The following DNAJC17 variants were observed in gnomAD, a reference collection of about 807,000 sequenced individuals.
The protein encoded by DNAJC17 is DnaJ heat shock protein family (Hsp40) member C17, also known as dnaJ homolog subfamily C member 17.
DNAJC17 carries 35 observed loss-of-function variants against 48.1 expected under a neutral mutation model. The observed-to-expected ratio is 0.73, with a 90% confidence interval of 0.56 to 0.96. The LOEUF (loss-of-function observed/expected upper bound fraction) is 0.96, where lower values mean the gene tolerates loss of function less well. Ranked by LOEUF, DNAJC17 falls within the 50% of genes least tolerant of loss-of-function variation. The pLI is 0.00. For synonymous variants in DNAJC17, 117 were observed against 142.7 expected (o/e 0.82, Z 1.28); for missense variants, 355 against 377.1 (o/e 0.94, Z 0.48).
intron 8 of DNAJC17, among the ~76,000 whole-genome samples, chr15:40,774,759 CA>C (rs1343933058): frequency 2.6e-5 from 4 of 152,236 alleles, no homozygotes; most frequent in African/African-American, 9.6e-5. Flanking sequence ...TCGTCCCTCC[CA>C]ACCCACTCAA....
At chr15:40,779,861 T>C in intron 2 of DNAJC17, 67 bp downstream of exon 2, 1 of 1,539,846 alleles carries the variant, frequency 6.5e-7, no homozygotes, top group Non-Finnish European at 8.9e-7. Flanking sequence ...ATGCAGAGCT[T>C]ACATCGGGAA....
intron 10 of DNAJC17, 41 bp downstream of exon 10, chr15:40,773,686 C>A: frequency 6.5e-7 from 1 of 1,538,294 alleles, no homozygotes; most frequent in South Asian, 1.2e-5. Context: ...GGAAGAGCTC[C>A]GAGACCTGAG....
At chr15:40,781,123 C>A (rs1295674577) in intron 1 of DNAJC17, among the ~76,000 whole-genome samples, 1 of 145,814 alleles carries the variant, frequency 6.9e-6, no homozygotes, top group Non-Finnish European at 1.5e-5. Context: ...TACACTCCAG[C>A]CTGTGGGACA....
intron 1 of DNAJC17, among the ~76,000 whole-genome samples, chr15:40,792,895 C>CT (rs563611021): frequency 0.038 from 4,791 of 126,242 alleles, 148 homozygotes; most frequent in South Asian, 0.085. Flanking sequence ...AAGATCCCTT[C>CT]TTTTTTTTTT....
chr15:40,784,499 G>A (rs1889590689), intron 1 of DNAJC17, among the ~76,000 whole-genome samples: 1 of 152,076 alleles, frequency 6.6e-6, no homozygotes, highest in Non-Finnish European at 1.5e-5. Flanking sequence ...AAGCCCCTAT[G>A]AGGTAGAAAT....
chr15:40,773,907 C>CA, intron 9 of DNAJC17, 70 bp from the exon 10 acceptor site: 1 of 1,356,998 alleles, frequency 7.4e-7, no homozygotes, highest in Non-Finnish European at 1.0e-6. Context: ...TCTACCCCCA[C>CA]AGAGAGAACG....
chr15:40,780,531 T>C, intron 1 of DNAJC17: 1 of 364,508 alleles, frequency 2.7e-6, no homozygotes, highest in Non-Finnish European at 5.4e-6. Context: ...AAGATTATGA[T>C]TGGCCGGTGC....
rs1596069455 is a variant in DNAJC17 at position 40,768,068 on chromosome 15, G to C, written c.793-6C>G. ...CTCTCTGACAGCACTGAGCCCTGTCGGACAGGGCAGGGACAGGGAGGGGTC... is the reference window on the plus strand; with the variant it reads ...CTCTCTGACAGCACTGAGCCCTGTCCGACAGGGCAGGGACAGGGAGGGGTC... On this transcript the variant is annotated splice_polypyrimidine_tract_variant and splice_region_variant and intron_variant, in intron 10 of 10. Transcript: ENST00000220496. 3 of 1,550,958 alleles carry C rather than the reference G, an allele frequency of 1.9e-6. No individual in the cohort carries two copies. The highest frequency in any genetic ancestry group is 2.0e-5 in the Admixed American group (1 of 49,712).
At chr15:40,775,225 A>C in intron 7 of DNAJC17, 117 bp from the exon 8 acceptor site, 1 of 1,150,016 alleles carries the variant, frequency 8.7e-7, no homozygotes. Context: ...AGGCTCCTGC[A>C]ATCTGGGGAG....
intron 1 of DNAJC17, chr15:40,792,533 G>A: frequency 1.0e-6 from 1 of 985,438 alleles, no homozygotes; most frequent in Non-Finnish European, 1.2e-6. Context: ...GAGAAAGACA[G>A]GCTGGACATG....
intron 1 of DNAJC17, among the ~76,000 whole-genome samples, chr15:40,790,342 G>T (rs1158711162): frequency 2.0e-5 from 3 of 152,180 alleles, no homozygotes; most frequent in Non-Finnish European, 4.4e-5. Flanking sequence ...GGGAGGCTGA[G>T]GCGGGTGGAT....
intron 3 of DNAJC17, 72 bp from the exon 4 acceptor site, chr15:40,779,382 GC>G: frequency 6.3e-7 from 1 of 1,580,408 alleles, no homozygotes; most frequent in Non-Finnish European, 8.7e-7. Flanking sequence ...AATCTGCCTG[GC>G]CCCTAGCCCA....
chr15:40,789,903 CAAAAAAAAAA>C (rs71428311), intron 1 of DNAJC17, among the ~76,000 whole-genome samples: 16 of 20,018 alleles, frequency 8.0e-4, no homozygotes, highest in Admixed American at 4.0e-3. Context: ...CAGACTGTCT[CAAAAAAAAAA>C]AAAAAAAAAA....
At position 40,770,379 on chromosome 15, in the gene DNAJC17, C is replaced by A. The variant is rs532860359; in HGVS notation, c.793-2317G>T. The A allele has an allele frequency of 4.0e-6, 4 of 1,002,312 alleles. No individual in the cohort carries two copies. The highest frequency in any genetic ancestry group is 1.6e-5 in the African/African-American group (1 of 61,316). The allele number at this position is 1,002,312 out of a possible 1,614,324, so 62.1% of individuals were successfully genotyped here. A position where few individuals can be genotyped will look rare whatever the true frequency, so the allele number is the denominator to read the frequency against. On this transcript the variant is annotated intron_variant, in intron 10 of 10. Transcript: ENST00000220496. This position sits in a 1 kb window ranked among gnomAD's most constrained non-coding sequence, Gnocchi z 5.0. ...GTCAAAGGTCTGTGCTGAGTGGAAA[C>A]CCTGAGGCCTCTGCTCCTAGGGGAG...
At chr15:40,805,435 T>TACTCCGG (rs1195128852) in intron 1 of DNAJC17, among the ~76,000 whole-genome samples, 1 of 149,650 alleles carries the variant, frequency 6.7e-6, no homozygotes, top group Non-Finnish European at 1.5e-5. Flanking sequence ...TAGTCCCAGC[T>TACTCCGG]ACTCCGGAGG....
In DNAJC17 at chr15:40,791,045, A is replaced by T. The variant is rs192657921; in HGVS notation, c.79-11048T>A. Among the ~76,000 whole-genome samples the T allele has an allele frequency of 4.5e-4, 68 of 151,220 alleles. 1 individual carries two copies. The highest frequency in any genetic ancestry group is 1.6e-3 in the Admixed American group (25 of 15,166). Reference sequence around the variant, plus strand: ...TTGGAAAAAATAACTTAAAATAAATAAAAAAAAATAGGCCGGGTGCGGTGA... The same window carrying T: ...TTGGAAAAAATAACTTAAAATAAATTAAAAAAAATAGGCCGGGTGCGGTGA... On this transcript the variant is annotated intron_variant, in intron 1 of 10. Coordinates refer to ENST00000220496, the MANE Select transcript of DNAJC17 (RefSeq NM_018163.3).
intron 1 of DNAJC17, chr15:40,807,040 C>G: frequency 1.7e-6 from 1 of 575,678 alleles, no homozygotes. Context: ...ACAGTCAAGG[C>G]AGAAGCGGAA....
Position 40,774,397 on chromosome 15 carries a change from G to A in DNAJC17, c.640C>T (p.Pro214Ser). ...GCAAACTCCACCACAGCAGTGCCTGGCTTCTTACTGGAAAGCACCAGGTTG... is the reference window on the plus strand; with the variant it reads ...GCAAACTCCACCACAGCAGTGCCTGACTTCTTACTGGAAAGCACCAGGTTG... ...VLNLVLSSKK[P>S]GTAVVEFATV... Residue 214 changes from proline (P) to serine (S), a missense_variant, in exon 9 of 11, where the codon CCA becomes TCA. Transcript: ENST00000220496. 1 of 1,614,066 alleles carries A rather than the reference G, an allele frequency of 6.2e-7. No individual in the cohort carries two copies. The highest frequency in any genetic ancestry group is 1.7e-4 in the Middle Eastern group (1 of 6,060).
intron 10 of DNAJC17, chr15:40,772,008 G>T (rs1321998587): frequency 6.0e-6 from 1 of 167,008 alleles, no homozygotes; most frequent in East Asian, 1.9e-4. Flanking sequence ...GGGTACTTTG[G>T]GGAATTCCCA....
Sources: gnomAD v4.1 joint callset for allele counts (sites outside exome capture counted in the v4.1 genomes callset) on GRCh38, gnomAD v4.1.1 for gene constraint, Gnocchi (gnomAD v3.1) non-coding constraint, MANE v1.5 for transcripts, NCBI Gene and HGNC (gene_info 2026-07-23, HGNC 2026-07-21) for gene names.